ZAR1: variants seen among roughly 807,000 people sequenced by gnomAD.
ZAR1 encodes the protein zygote arrest protein 1.
Under a neutral mutation model 38.3 loss-of-function variants are expected in ZAR1, and 37 were observed. The observed-to-expected ratio is 0.97, with a 90% CI of 0.74 to 1.27. The LOEUF (loss-of-function observed/expected upper bound fraction) is 1.27, where lower values mean the gene tolerates loss of function less well. ZAR1 is among the 50% of genes most tolerant of loss of function. The probability of loss-of-function intolerance (pLI) is 0.00; values close to 1 mark genes in which losing one functional copy is unlikely to be tolerated. For missense variants in ZAR1, 651 were observed against 632.4 expected, an observed-to-expected ratio of 1.03 and a Z score of -0.32; for synonymous variants, 336 against 292.0, an observed-to-expected ratio of 1.15 and a Z score of -1.53.
At chr4:48,496,740 T>G (rs377611086), downstream of ZAR1, among the ~76,000 whole-genome samples, 8 of 152,362 alleles carry the variant, frequency 5.3e-5, no homozygotes, top group African/African-American at 1.9e-4. Flanking sequence ...AAGATGTCTC[T>G]GGGTATCAAG....
At position 48,490,966 on chromosome 4, in the gene ZAR1, G is replaced by A; in HGVS notation, c.675G>A (p.Glu225=). ...CCGCGCGGCTTCAAGGCCCAGAGGA[G>A]GGGGAGGTGTGGACGAAGAAGGCGC... ...PPPARLQGPE[E]GEVWTKKAPR... is the part of the protein sequence containing the mutation. The change falls in exon 1 of 4, where the codon GAG becomes GAA. Residue 225 remains glutamate, a synonymous_variant. Transcript: ENST00000327939. 1 of 1,353,944 alleles carries A rather than the reference G, an allele frequency of 7.4e-7. No homozygotes were observed. Among genetic ancestry groups the A allele is most frequent in the Non-Finnish European group, 9.4e-7 (1 of 1,059,628 alleles). The allele number at this position is 1,353,944 out of a possible 1,614,324, so 83.9% of individuals were successfully genotyped here.
rs745608425 is a variant in ZAR1 at position 48,490,376 on chromosome 4, GCCA to G, written c.89_91del (p.Thr30del). ...CTCGTACCGGTACCCATACCCCGCG[GCCA>G]CCAAGGGCAAGGGCGCGGCGGGCGG... On this transcript the variant is annotated inframe_deletion, in exon 1 of 4. Transcript: ENST00000327939. The G allele has an allele frequency of 4.7e-6, 7 of 1,503,606 alleles. No individual in the cohort carries two copies. In the African/African-American group the frequency reaches 8.7e-5, roughly 19 times the overall value. The allele number at this position is 1,503,606 out of a possible 1,614,324, so 93.1% of individuals were successfully genotyped here.
rs756437431 is a variant in ZAR1 at position 48,492,815 on chromosome 4, G to T, written c.1013G>T (p.Arg338Leu). 14 of 1,614,080 alleles carry T rather than the reference G, an allele frequency of 8.7e-6. No homozygotes were observed. In the Admixed American group the frequency reaches 1.5e-4, roughly 17 times the overall value. ...TACCACTGCAAGGACTGCAACATCC[G>T]CTGGGAGAGTGCTTATGTGTGGTGT... Reference protein sequence around the residue: ...GYYHCKDCNIRWESAYVWCVQ... With the variant: ...GYYHCKDCNILWESAYVWCVQ... Residue 338 changes from arginine to leucine, a missense_variant, in exon 2 of 4, where the codon CGC becomes CTC. By Grantham distance (102) the Arg-to-Leu change is moderately radical. This residue lies in a region of ZAR1 where 129 missense variants were observed against 172.5 expected (regional missense o/e 0.75). Transcript: ENST00000327939.
Position 48,494,157 on chromosome 4 carries a change from A to G in ZAR1, c.1188A>G (p.Lys396=). Residue 396 remains lysine, a synonymous_variant, in exon 4 of 4, where the codon AAA becomes AAG. Transcript: ENST00000327939. ...CPVKLRHVDP[K]RPHRQDLCGR... is the part of the protein sequence containing the mutation. Reference sequence around the variant, plus strand: ...TAAAACTTCGCCACGTGGACCCTAAACGGCCCCACCGTCAAGATTTGTGCG... The same window carrying G: ...TAAAACTTCGCCACGTGGACCCTAAGCGGCCCCACCGTCAAGATTTGTGCG... 1 of 1,614,066 alleles carries G rather than the reference A, an allele frequency of 6.2e-7. No homozygotes were observed. The highest frequency in any genetic ancestry group is 1.1e-5 in the South Asian group (1 of 91,076).
chr4:48,494,364 C>A lies in ZAR1; in HGVS notation c.*120C>A. The stretch of plus-strand genomic sequence containing the variant: ...GAAAGGCAGTGTATTCTGAAAAAGC[C>A]TTCAAATAAAGGTATTGCAACACGA... On this transcript the variant is annotated 3_prime_UTR_variant, in exon 4 of 4. Coordinates refer to ENST00000327939, the MANE Select transcript of ZAR1 (RefSeq NM_175619.3). 7.5e-7 allele frequency: 1 copy of A among 1,336,162 alleles called. No individual in the cohort carries two copies. Among genetic ancestry groups the A allele is most frequent in the Non-Finnish European group, 1.0e-6 (1 of 964,738 alleles). The allele number at this position is 1,336,162 out of a possible 1,614,324, so 82.8% of individuals were successfully genotyped here. A position where few individuals can be genotyped will look rare whatever the true frequency, so the allele number is the denominator to read the frequency against.
downstream of ZAR1, among the ~76,000 whole-genome samples, chr4:48,495,326 A>T (rs1718555031): frequency 6.6e-6 from 1 of 152,248 alleles, no homozygotes; most frequent in African/African-American, 2.4e-5. Context: ...TCTAACAAAC[A>T]TCCCACTTAA....
downstream of ZAR1, among the ~76,000 whole-genome samples, chr4:48,496,808 C>T (rs377295291): frequency 7.9e-5 from 12 of 152,128 alleles, no homozygotes; most frequent in Admixed American, 7.9e-4. Flanking sequence ...CCATGGATTA[C>T]TTTGAAAAAT....
At chr4:48,492,675 A>G (rs548038771) in intron 1 of ZAR1, 91 bp from the exon 2 acceptor site, 1 of 1,327,486 alleles carries the variant, frequency 7.5e-7, no homozygotes, top group Non-Finnish European at 1.1e-6. Flanking sequence ...GAAGTTGCCA[A>G]TTTCAAATAT....
At chr4:48,496,841 A>G (rs907585062), downstream of ZAR1, among the ~76,000 whole-genome samples, 1 of 152,204 alleles carries the variant, frequency 6.6e-6, no homozygotes, top group South Asian at 2.1e-4. Flanking sequence ...GCTATAAAAT[A>G]CCAATAAATG....
chr4:48,496,994 T>G (rs1389753468), downstream of ZAR1, among the ~76,000 whole-genome samples: 1 of 152,148 alleles, frequency 6.6e-6, no homozygotes, highest in Non-Finnish European at 1.5e-5. Context: ...TTCCTAAATT[T>G]AAGGGAGGTT....
chr4:48,490,277 G>A lies in ZAR1; in HGVS notation c.-15G>A. The A allele has an allele frequency of 3.3e-6, 5 of 1,493,332 alleles. No individual in the cohort carries two copies. Among genetic ancestry groups the A allele is most frequent in the Middle Eastern group, 1.7e-4 (1 of 5,830 alleles). The allele number at this position is 1,493,332 out of a possible 1,614,324, so 92.5% of individuals were successfully genotyped here. A position where few individuals can be genotyped will look rare whatever the true frequency, so the allele number is the denominator to read the frequency against. On this transcript the variant is annotated 5_prime_UTR_variant, in exon 1 of 4. Coordinates refer to ENST00000327939, the MANE Select transcript of ZAR1 (RefSeq NM_175619.3). The stretch of plus-strand genomic sequence containing the variant: ...GCCTATTTAGGGTGCGGCGGCGGGC[G>A]GGAGCAGTGCGCCCATGGCGGCCCT...
rs1434168423 is a variant in ZAR1 at position 48,491,020 on chromosome 4, C to T, written c.729C>T (p.Gly243=). ...GGCGGCCGCAGTCCGACGACGACGG[C>T]GAGGCCCAGGCCGCAGTCCGAGCGA... is the stretch of plus-strand genomic sequence containing the variant. ...APRRPQSDDD[G]EAQAAVRASW... is the part of the protein sequence containing the mutation. The change falls in exon 1 of 4, where the codon GGC becomes GGT. Residue 243 remains glycine, a synonymous_variant. Transcript: ENST00000327939. The T allele has an allele frequency of 4.4e-6, 6 of 1,363,782 alleles. No homozygotes were observed. The highest frequency in any genetic ancestry group is 1.7e-5 in the South Asian group (1 of 57,450). 84.5% of individuals were successfully genotyped at this position (1,363,782 alleles called of 1,614,324 possible).
chr4:48,490,921 C>A lies in ZAR1; in HGVS notation c.630C>A (p.Asp210Glu), dbSNP rs1005959702. Reference sequence around the variant, plus strand: ...GCGAGCAGAGGTCCGGGGCGTCGGACGGAGAGAGGGGGCCGCCGCCCGCGC... The same window carrying A: ...GCGAGCAGAGGTCCGGGGCGTCGGAAGGAGAGAGGGGGCCGCCGCCCGCGC... ...AAGEQRSGAS[D>E]GERGPPPARL... Residue 210 changes from aspartate to glutamate, a missense_variant, in exon 1 of 4, where the codon GAC (aspartate) becomes GAA (glutamate). This residue lies in a region of ZAR1 where 522 missense variants were observed against 459.9 expected (regional missense o/e 1.14). Coordinates refer to ENST00000327939, the MANE Select transcript of ZAR1 (RefSeq NM_175619.3). 41 of 1,349,906 alleles carry A rather than the reference C, an allele frequency of 3.0e-5. No individual in the cohort carries two copies. The African/African-American group carries it at 4.9e-4, about 16-fold the overall frequency. The allele number at this position is 1,349,906 out of a possible 1,614,324, so 83.6% of individuals were successfully genotyped here. A position where few individuals can be genotyped will look rare whatever the true frequency, so the allele number is the denominator to read the frequency against.
chr4:48,492,789 T>C lies in ZAR1; in HGVS notation c.987T>C (p.Tyr329=), dbSNP rs1425880562. 2 of 1,614,044 alleles carry C rather than the reference T, an allele frequency of 1.2e-6. No homozygotes were observed. Among genetic ancestry groups the C allele is most frequent in the Non-Finnish European group, 1.7e-6 (2 of 1,180,028 alleles). Residue 329 remains tyrosine, a synonymous_variant, in exon 2 of 4, where the codon TAT becomes TAC. Coordinates refer to ENST00000327939, the MANE Select transcript of ZAR1 (RefSeq NM_175619.3). ...RFQFLEQKYG[Y]YHCKDCNIRW... is the part of the protein sequence containing the mutation. ...AGTTCTTAGAGCAGAAATATGGCTA[T>C]TACCACTGCAAGGACTGCAACATCC...
In ZAR1 at chr4:48,490,665, G is replaced by A. The variant is rs945477385; in HGVS notation, c.374G>A (p.Arg125His). 2.3e-6 allele frequency: 3 copies of A among 1,331,108 alleles called. No homozygotes were observed. The highest frequency in any genetic ancestry group is 1.5e-5 in the African/African-American group (1 of 64,658). The allele number at this position is 1,331,108 out of a possible 1,614,324, so 82.5% of individuals were successfully genotyped here. ...GCGGTACAGTGCTCGCTGGGGAGGC[G>A]CACGCTGCAGCGCCGGGCCCGCGAC... is the stretch of plus-strand genomic sequence containing the variant. ...DAAVQCSLGR[R>H]TLQRRARDPE... The change falls in exon 1 of 4, where the codon CGC becomes CAC. Residue 125 changes from arginine (R) to histidine (H), a missense_variant. This residue lies in a region of ZAR1 where 522 missense variants were observed against 459.9 expected (regional missense o/e 1.14). Transcript: ENST00000327939.
Position 48,490,540 on chromosome 4 carries a change from C to A in ZAR1, c.249C>A (p.Leu83=), listed in dbSNP as rs878912022. The change falls in exon 1 of 4, where the codon CTC becomes CTA. Residue 83 remains leucine, a synonymous_variant. Coordinates refer to ENST00000327939, the MANE Select transcript of ZAR1 (RefSeq NM_175619.3). Reference sequence around the variant, plus strand: ...TCGACAGCTACCAGCGGGAGCGGCTCATGGCTCTCCTGGCGCAGGTGGGGC... The same window carrying A: ...TCGACAGCTACCAGCGGGAGCGGCTAATGGCTCTCCTGGCGCAGGTGGGGC... ...EYFDSYQRER[L]MALLAQVGPG... is the part of the protein sequence containing the mutation. 2 of 1,456,484 alleles carry A rather than the reference C, an allele frequency of 1.4e-6. No homozygotes were observed. Among genetic ancestry groups the A allele is most frequent in the South Asian group, 1.4e-5 (1 of 73,766 alleles). 90.2% of individuals were successfully genotyped at this position (1,456,484 alleles called of 1,614,324 possible). A position where few individuals can be genotyped will look rare whatever the true frequency, so the allele number is the denominator to read the frequency against.
At chr4:48,497,576 A>G (rs1718708288), downstream of ZAR1, 1 of 152,602 alleles carries the variant, frequency 6.6e-6, no homozygotes, top group Non-Finnish European at 1.5e-5. Flanking sequence ...CAACAGCTAC[A>G]ATGCTTTTTA....
At chr4:48,496,810 T>C (rs190840762), downstream of ZAR1, among the ~76,000 whole-genome samples, 3 of 152,316 alleles carry the variant, frequency 2.0e-5, no homozygotes, top group East Asian at 5.8e-4. Flanking sequence ...ATGGATTACT[T>C]TGAAAAATTA....
chr4:48,490,308 A>G lies in ZAR1; in HGVS notation c.17A>G (p.Asp6Gly). The G allele has an allele frequency of 6.6e-7, 1 of 1,505,542 alleles. No individual in the cohort carries two copies. The highest frequency in any genetic ancestry group is 8.8e-7 in the Non-Finnish European group (1 of 1,133,568). The allele number at this position is 1,505,542 out of a possible 1,614,324, so 93.3% of individuals were successfully genotyped here. The change falls in exon 1 of 4, where the codon GAC becomes GGC. Residue 6 changes from aspartate to glycine, a missense_variant. By Grantham distance (94) the Asp-to-Gly change is moderately conservative. Coordinates refer to ENST00000327939, the MANE Select transcript of ZAR1 (RefSeq NM_175619.3). MAALG[D>G]EVLDGYVFPA... ...AGTGCGCCCATGGCGGCCCTGGGGG[A>G]CGAGGTGCTGGACGGTTACGTGTTC...
Sources: allele counts gnomAD v4.1 joint callset (sites outside exome capture counted in the v4.1 genomes callset), GRCh38; gene constraint gnomAD v4.1.1; regional missense constraint gnomAD v4.1.1; transcripts MANE v1.5; gene names NCBI Gene and HGNC (gene_info 2026-07-23, HGNC 2026-07-21).